The following MMP3 variants were observed in gnomAD, a reference collection of about 807,000 sequenced individuals.
MMP3 encodes the protein matrix metallopeptidase 3.
MMP3 carries 46 observed loss-of-function variants against 47.3 expected under a neutral mutation model. That is an observed-to-expected ratio of 0.97 (90% CI 0.77 to 1.24). MMP3 has a LOEUF of 1.24. Ranked by LOEUF, MMP3 falls within the 50% of genes most tolerant of loss-of-function variation. MMP3 has a pLI of 0.00. For missense variants in MMP3, 558 were observed against 565.5 expected (o/e 0.99, Z 0.13); for synonymous variants, 216 against 206.5 (o/e 1.05, Z -0.39).
chr11:102,839,353 G>A (rs1344588277), intron 6 of MMP3, 110 bp from the exon 7 acceptor site: 4 of 1,258,416 alleles, frequency 3.2e-6, no homozygotes, highest in Non-Finnish European at 4.5e-6. Context: ...CATCTTCTAG[G>A]CTGGATGACA....
At position 102,843,595 on chromosome 11, in the gene MMP3, T is replaced by C; in HGVS notation, c.-49A>G. ...ATGTTGTCTCTATGCCTTGCTGTCT[T>C]GCCTGCCTCCTTGTAGGTCCAACCT... On this transcript the variant is annotated 5_prime_UTR_variant, in exon 1 of 10. Coordinates refer to ENST00000299855, the MANE Select transcript of MMP3 (RefSeq NM_002422.5). The C allele has an allele frequency of 6.7e-7, 1 of 1,487,274 alleles. No individual in the cohort carries two copies. The highest frequency in any genetic ancestry group is 9.3e-7 in the Non-Finnish European group (1 of 1,075,606). The allele number at this position is 1,487,274 out of a possible 1,614,324, so 92.1% of individuals were successfully genotyped here. A position where few individuals can be genotyped will look rare whatever the true frequency, so the allele number is the denominator to read the frequency against.
At chr11:102,840,381 G>A (rs1340834847) in intron 5 of MMP3, 48 bp downstream of exon 5, 3 of 1,601,944 alleles carry the variant, frequency 1.9e-6, no homozygotes, top group Non-Finnish European at 2.6e-6. Context: ...CTCTTCTGAA[G>A]ACCATCATTG....
chr11:102,837,159 A>G lies in MMP3; in HGVS notation c.1333+139T>C. 1.6e-6 allele frequency: 1 copy of G among 632,284 alleles called. No homozygotes were observed. The highest frequency in any genetic ancestry group is 2.0e-5 in the South Asian group (1 of 50,698). 39.2% of individuals were successfully genotyped at this position (632,284 alleles called of 1,614,324 possible). A position where few individuals can be genotyped will look rare whatever the true frequency, so the allele number is the denominator to read the frequency against. On this transcript the variant is annotated intron_variant, in intron 9 of 9. Coordinates refer to ENST00000299855, the MANE Select transcript of MMP3 (RefSeq NM_002422.5). This position sits in a 1 kb window ranked among gnomAD's most constrained non-coding sequence, Gnocchi z 4.4. Reference sequence around the variant, plus strand: ...TGAAGTAGTTCTATAATGAGTACAAATGTAGGCGAATCAAAATTTTGAGAA... The same window carrying G: ...TGAAGTAGTTCTATAATGAGTACAAGTGTAGGCGAATCAAAATTTTGAGAA...
In MMP3 at chr11:102,842,522, T is replaced by C. The variant is rs1555005703; in HGVS notation, c.408A>G (p.Lys136=). The change falls in exon 3 of 10, where the codon AAA becomes AAG. Residue 136 remains lysine, a synonymous_variant. Transcript: ENST00000299855. The part of the protein sequence containing the change: ...PKDAVDSAVE[K]ALKVWEEVTP... The stretch of plus-strand genomic sequence containing the variant: ...TCACCTCTTCCCAGACTTTCAGAGC[T>C]TTCTCAACAGCAGAATCAACAGCAT... 7 of 1,609,014 alleles carry C rather than the reference T, an allele frequency of 4.4e-6. No individual in the cohort carries two copies. Among genetic ancestry groups the C allele is most frequent in the Non-Finnish European group, 5.9e-6 (7 of 1,178,090 alleles).
In MMP3 at chr11:102,843,548, T is replaced by G; in HGVS notation, c.-2A>C. ...CAGTAGGATTGGAAGACTCTTCATT[T>G]CCACTGGCTTTACTTAGCTCTATGT... On this transcript the variant is annotated 5_prime_UTR_variant, in exon 1 of 10. Coordinates refer to ENST00000299855, the MANE Select transcript of MMP3 (RefSeq NM_002422.5). 1 of 1,611,306 alleles carries G rather than the reference T, an allele frequency of 6.2e-7. No homozygotes were observed. The highest frequency in any genetic ancestry group is 1.1e-5 in the South Asian group (1 of 90,442).
intron 8 of MMP3, 69 bp downstream of exon 8, chr11:102,838,481 GA>G (rs781881642): frequency 1.9e-5 from 29 of 1,505,742 alleles, no homozygotes; most frequent in Non-Finnish European, 2.4e-5. Flanking sequence ...TGGGGTGGGG[GA>G]TTTCCTTAGT....
chr11:102,841,543 A>AT (rs1161981246), intron 4 of MMP3, among the ~76,000 whole-genome samples: 3 of 152,108 alleles, frequency 2.0e-5, no homozygotes, highest in Non-Finnish European at 4.4e-5. Flanking sequence ...GTTTTAGCTG[A>AT]TTTTTTTGAA....
chr11:102,838,820 AT>A (rs1858936698), intron 7 of MMP3, 110 bp from the exon 8 acceptor site: 1 of 1,297,280 alleles, frequency 7.7e-7, no homozygotes, highest in Non-Finnish European at 1.0e-6. Flanking sequence ...AGTAGCCCAA[AT>A]TTTAGATTTA....
At chr11:102,841,579 A>T (rs1858997963) in intron 4 of MMP3, among the ~76,000 whole-genome samples, 2 of 152,190 alleles carry the variant, frequency 1.3e-5, no homozygotes, top group African/African-American at 4.8e-5. Context: ...TCCCCAAAAC[A>T]TACAGTTATG....
In MMP3 at chr11:102,842,153, C is replaced by A. The variant is rs782552677; in HGVS notation, c.625+1G>T. Reference sequence around the variant, plus strand: ...ATCATTCTGAGAGATGTGTAACTAACCTGTTGTATCCTTTGTCCATTGTTC... The same window carrying A: ...ATCATTCTGAGAGATGTGTAACTAAACTGTTGTATCCTTTGTCCATTGTTC... On this transcript the variant is annotated splice_donor_variant, in intron 4 of 9. Transcript: ENST00000299855. LOFTEE classifies it high-confidence loss of function. The A allele has an allele frequency of 2.5e-6, 4 of 1,575,840 alleles. No individual in the cohort carries two copies. Among genetic ancestry groups the A allele is most frequent in the Non-Finnish European group, 3.4e-6 (4 of 1,163,248 alleles).
In MMP3 at chr11:102,843,457, G is replaced by A. The variant is rs559608598; in HGVS notation, c.90C>T (p.Ser30=). The part of the protein sequence containing the change: ...LDGAARGEDT[S]MNLVQKYLEN... ...TGTTAATTACCTGAACAAGGTTCAT[G>A]CTGGTGTCCTCACCCCTTGCAGCTC... The change falls in exon 1 of 10, where the codon AGC becomes AGT. Residue 30 remains serine, a synonymous_variant. Coordinates refer to ENST00000299855, the MANE Select transcript of MMP3 (RefSeq NM_002422.5). 2 of 1,613,348 alleles carry A rather than the reference G, an allele frequency of 1.2e-6. No homozygotes were observed. Among genetic ancestry groups the A allele is most frequent in the East Asian group, 2.2e-5 (1 of 44,872 alleles).
In MMP3 at chr11:102,839,215, GC is replaced by G. The variant is rs781978638; in HGVS notation, c.963del (p.Lys321AsnfsTer8). On this transcript the variant is annotated frameshift_variant, in exon 7 of 10. Coordinates refer to ENST00000299855, the MANE Select transcript of MMP3 (RefSeq NM_002422.5). LOFTEE classifies it high-confidence loss of function. Reference protein sequence around the residue: ...DRHFWRKSLRKLEPELHLISS... With the variant: ...DRHFWRKSLRXLEPELHLISS... Reference sequence around the variant, plus strand: ...GAGATCAAATGCAATTCAGGTTCAAGCTTCCTGAGGGATTTGCGCCAAAAGT... The same window carrying G: ...GAGATCAAATGCAATTCAGGTTCAAGTTCCTGAGGGATTTGCGCCAAAAGT... 13 of 1,614,066 alleles carry G rather than the reference GC, an allele frequency of 8.1e-6. No individual in the cohort carries two copies. The African/African-American group carries it at 1.5e-4, about 18-fold the overall frequency.
rs591058 is a variant in MMP3, at chr11:102,840,607, T to C, written c.626-14A>G. 0.53 allele frequency: 846,416 copies of C among 1,611,110 alleles called. 226,949 individuals carry two copies. Among genetic ancestry groups the C allele is most frequent in the East Asian group, 0.68 (30,536 of 44,848 alleles). On this transcript the variant is annotated splice_polypyrimidine_tract_variant and intron_variant, in intron 4 of 9. Transcript: ENST00000299855. ...ATAAATTGGTCCCTATTTAAGAAAT[T>C]GAGAACAATAGTTACTTATTTTTTA...
In MMP3 at chr11:102,840,589, G is replaced by C; in HGVS notation, c.630C>G (p.Thr210=). The C allele has an allele frequency of 6.2e-7, 1 of 1,613,174 alleles. No homozygotes were observed. Among genetic ancestry groups the C allele is most frequent in the Non-Finnish European group, 8.5e-7 (1 of 1,179,770 alleles). ...DEQWTKDTTG[T]NLFLVAAHEI... is the part of the protein sequence containing the mutation. ...CATGAGCAGCAACGAGAAATAAATT[G>C]GTCCCTATTTAAGAAATTGAGAACA... is the stretch of plus-strand genomic sequence containing the variant. The change falls in exon 5 of 10, where the codon ACC becomes ACG. Residue 210 remains threonine, a synonymous_variant. Coordinates refer to ENST00000299855, the MANE Select transcript of MMP3 (RefSeq NM_002422.5).
At position 102,837,208 on chromosome 11, in the gene MMP3, T is replaced by G; in HGVS notation, c.1333+90A>C. The G allele has an allele frequency of 1.0e-6, 1 of 984,676 alleles. No individual in the cohort carries two copies. Among genetic ancestry groups the G allele is most frequent in the African/African-American group, 1.6e-5 (1 of 61,984 alleles). 61.0% of individuals were successfully genotyped at this position (984,676 alleles called of 1,614,324 possible). A position where few individuals can be genotyped will look rare whatever the true frequency, so the allele number is the denominator to read the frequency against. The stretch of plus-strand genomic sequence containing the variant: ...AAGGGAACTGGCCCTAAGAAACACT[T>G]GTTATTAAAAAGTTTCAATGCTCCT... On this transcript the variant is annotated intron_variant, in intron 9 of 9. Transcript: ENST00000299855. The surrounding 1 kb of genome is among the most constrained non-coding windows in gnomAD (Gnocchi z 4.4).
In MMP3 at chr11:102,840,153, T is replaced by A. The variant is rs1555005201; in HGVS notation, c.890A>T (p.Asp297Val). Residue 297 changes from aspartate to valine, a missense_variant, in exon 6 of 10, where the codon GAT (aspartate) becomes GTT (valine). Physicochemically the swap from Asp to Val is radical, Grantham distance 152 (BLOSUM62 -3). Coordinates refer to ENST00000299855, the MANE Select transcript of MMP3 (RefSeq NM_002422.5). ...TTCTCCCCTCAGAGTGCTGACAGCA[T>A]CAAAGGACAAAGCAGGATCACAGTT... ...PANCDPALSF[D>V]AVSTLRGEIL... 6.2e-7 allele frequency: 1 copy of A among 1,614,046 alleles called. No individual in the cohort carries two copies. Among genetic ancestry groups the A allele is most frequent in the Non-Finnish European group, 8.5e-7 (1 of 1,179,996 alleles).
chr11:102,839,842 C>T (rs1555005156), intron 6 of MMP3, among the ~76,000 whole-genome samples: 1 of 152,172 alleles, frequency 6.6e-6, no homozygotes, highest in Admixed American at 6.5e-5. Context: ...GAAAGATCTA[C>T]TCATGCCTTT....
chr11:102,838,763 T>G lies in MMP3; in HGVS notation c.1070-53A>C, dbSNP rs1190826177. 1.9e-6 allele frequency: 3 copies of G among 1,544,576 alleles called. No individual in the cohort carries two copies. The African/African-American group carries it at 4.2e-5, about 22-fold the overall frequency. On this transcript the variant is annotated intron_variant, in intron 7 of 9. Coordinates refer to ENST00000299855, the MANE Select transcript of MMP3 (RefSeq NM_002422.5). ...TATTGAATTATAACAGTTAAGCCCTTTCGCTTTAGAAATACACTTTAGCAT... is the reference window on the plus strand; with the variant it reads ...TATTGAATTATAACAGTTAAGCCCTGTCGCTTTAGAAATACACTTTAGCAT...
chr11:102,843,321 T>C, intron 1 of MMP3, 121 bp downstream of exon 1: 1 of 711,820 alleles, frequency 1.4e-6, no homozygotes. Context: ...TATAACTCTC[T>C]ATTCTTGAAC....
Sources: gnomAD v4.1 joint callset for allele counts (sites outside exome capture counted in the v4.1 genomes callset) on GRCh38, gnomAD v4.1.1 for gene constraint, Gnocchi (gnomAD v3.1) non-coding constraint, MANE v1.5 for transcripts, NCBI Gene and HGNC (gene_info 2026-07-23, HGNC 2026-07-21) for gene names.